KDM4C: variants seen among roughly 807,000 people sequenced by gnomAD.
KDM4C encodes the protein lysine demethylase 4C, also known as lysine-specific demethylase 4C.
A neutral mutation model predicts 129.3 loss-of-function variants in KDM4C; 81 were observed. That is an observed-to-expected ratio of 0.63 (90% CI 0.52 to 0.75). The LOEUF is 0.75. Ranked by LOEUF, KDM4C falls within the 30% of genes least tolerant of loss-of-function variation. KDM4C has a pLI of 0.00. For missense variants in KDM4C, 1,457 were observed against 1,304.0 expected (o/e 1.12, Z -1.81); for synonymous variants, 573 against 456.1 (o/e 1.26, Z -3.26).
intron 1 of KDM4C, among the ~76,000 whole-genome samples, chr9:6,791,359 C>T (rs767132526): frequency 4.5e-4 from 68 of 152,228 alleles, no homozygotes; most frequent in Non-Finnish European, 2.9e-4. Flanking sequence ...GTGATATGCC[C>T]GCCTCCAAAG....
intron 11 of KDM4C, among the ~76,000 whole-genome samples, chr9:6,989,774 A>G (rs1199135519): frequency 2.6e-5 from 4 of 151,816 alleles, no homozygotes; most frequent in Non-Finnish European, 5.9e-5. Context: ...GCAATCTTAG[A>G]TTTACTTATT....
intron 17 of KDM4C, chr9:7,076,811 A>C: frequency 2.4e-5 from 25 of 1,024,116 alleles, no homozygotes; most frequent in Non-Finnish European, 2.8e-5. Context: ...AACGTGTCCT[A>C]CTACAGCCTC....
At chr9:6,928,522 A>C (rs1041355821) in intron 8 of KDM4C, among the ~76,000 whole-genome samples, 1 of 151,972 alleles carries the variant, frequency 6.6e-6, no homozygotes, top group Non-Finnish European at 1.5e-5. Context: ...GGTTTCACCA[A>C]GATTGTAGAG....
At chr9:7,069,013 C>G (rs945040225) in intron 17 of KDM4C, among the ~76,000 whole-genome samples, 1 of 152,048 alleles carries the variant, frequency 6.6e-6, no homozygotes, top group African/African-American at 2.4e-5. Flanking sequence ...GCCCTACTTT[C>G]TATCCGAACC....
upstream of KDM4C, among the ~76,000 whole-genome samples, chr9:6,755,150 T>A (rs1045095659): frequency 1.3e-5 from 2 of 152,120 alleles, no homozygotes; most frequent in Non-Finnish European, 2.9e-5. Context: ...GGTGAGTGGA[T>A]CACAAGGTCA....
intron 15 of KDM4C, among the ~76,000 whole-genome samples, chr9:7,019,158 C>T (rs909032614): frequency 6.6e-6 from 1 of 152,024 alleles, no homozygotes; most frequent in African/African-American, 2.4e-5. Flanking sequence ...TGACTTTAAC[C>T]CTCTGATTTA....
intron 1 of KDM4C, among the ~76,000 whole-genome samples, chr9:6,790,270 T>C (rs1008652835): frequency 6.6e-6 from 1 of 151,716 alleles, no homozygotes; most frequent in Admixed American, 6.6e-5. Context: ...TTTTGTTTTT[T>C]TGTTTTTGTT....
intron 5 of KDM4C, among the ~76,000 whole-genome samples, chr9:6,868,295 A>G (rs1174464415): frequency 6.6e-6 from 1 of 152,062 alleles, no homozygotes; most frequent in Non-Finnish European, 1.5e-5. Flanking sequence ...AGGCAGTCCT[A>G]CGTGAGGAAA....
At position 7,110,228 on chromosome 9, in the gene KDM4C, C is replaced by G. The variant is rs186174125; in HGVS notation, c.2610+6358C>G. ...AGTGATTCATCAAAGAGCCCTGGTT[C>G]TTTTTTATGGGAGCTCTACTAGAGA... On this transcript the variant is annotated intron_variant, in intron 18 of 21. Coordinates refer to ENST00000381309, the MANE Select transcript of KDM4C (RefSeq NM_015061.6). Among the ~76,000 whole-genome samples the G allele has an allele frequency of 1.5e-3, 235 of 152,240 alleles. 2 individuals carry two copies. The highest frequency in any genetic ancestry group is 0.01 in the East Asian group (53 of 5,178).
At chr9:7,010,068 A>G (rs565582785) in intron 12 of KDM4C, among the ~76,000 whole-genome samples, 1 of 152,260 alleles carries the variant, frequency 6.6e-6, no homozygotes, top group Non-Finnish European at 1.5e-5. Flanking sequence ...ACATGGATGT[A>G]ACCAAATATA....
At chr9:7,018,006 T>C (rs1384755963) in intron 15 of KDM4C, among the ~76,000 whole-genome samples, 1 of 152,222 alleles carries the variant, frequency 6.6e-6, no homozygotes. Flanking sequence ...TTACCTCCCA[T>C]TTAAGAAGTC....
chr9:6,893,145 T>C lies in KDM4C; in HGVS notation c.834T>C (p.His278=). The change falls in exon 8 of 22, where the codon CAT becomes CAC. Residue 278 remains histidine, a synonymous_variant. Transcript: ENST00000381309. ...EFMITFPYGY[H]AGFNHGFNCA... is the part of the protein sequence containing the mutation. ...TGATCACTTTCCCATATGGCTACCATGCTGGTTTTAATCATGGTTTCAACT... is the reference window on the plus strand; with the variant it reads ...TGATCACTTTCCCATATGGCTACCACGCTGGTTTTAATCATGGTTTCAACT... 1 of 1,605,142 alleles carries C rather than the reference T, an allele frequency of 6.2e-7. No individual in the cohort carries two copies. The highest frequency in any genetic ancestry group is 8.5e-7 in the Non-Finnish European group (1 of 1,175,428).
chr9:6,877,428 C>G, intron 5 of KDM4C, among the ~76,000 whole-genome samples: 1 of 151,892 alleles, frequency 6.6e-6, no homozygotes, highest in East Asian at 1.9e-4. Context: ...TCTCGGTCTC[C>G]TGACCTCATG....
intron 20 of KDM4C, among the ~76,000 whole-genome samples, chr9:7,169,129 C>T (rs1844700347): frequency 6.6e-6 from 1 of 151,848 alleles, no homozygotes; most frequent in Non-Finnish European, 1.5e-5. Flanking sequence ...GTTGTCAGAG[C>T]CTCTTAAAGA....
chr9:6,844,843 A>G (rs1416118988), intron 4 of KDM4C, among the ~76,000 whole-genome samples: 1 of 152,052 alleles, frequency 6.6e-6, no homozygotes, highest in Non-Finnish European at 1.5e-5. Flanking sequence ...GTGTGCCACC[A>G]CACCCGGCTA....
chr9:6,871,920 A>C (rs1230418284), intron 5 of KDM4C, among the ~76,000 whole-genome samples: 1 of 152,246 alleles, frequency 6.6e-6, no homozygotes, highest in Non-Finnish European at 1.5e-5. Context: ...ATAATACTAC[A>C]TAATATACAA....
At chr9:6,824,691 C>A (rs948078940) in intron 4 of KDM4C, among the ~76,000 whole-genome samples, 3 of 148,838 alleles carry the variant, frequency 2.0e-5, no homozygotes, top group African/African-American at 7.4e-5. Flanking sequence ...TTCATTAAAA[C>A]AGTCCATTAT....
intron 12 of KDM4C, among the ~76,000 whole-genome samples, chr9:7,010,680 TGTTTGTC>T (rs1010068393): frequency 3.3e-5 from 5 of 152,210 alleles, no homozygotes; most frequent in Non-Finnish European, 7.3e-5. Context: ...TTTTCTAACA[TGTTTGTC>T]TTTCTGTATT....
chr9:6,986,662 C>T lies in KDM4C; in HGVS notation c.1673C>T (p.Pro558Leu). The T allele has an allele frequency of 2.5e-6, 4 of 1,601,134 alleles. No individual in the cohort carries two copies. Among genetic ancestry groups the T allele is most frequent in the Non-Finnish European group, 3.4e-6 (4 of 1,171,128 alleles). Reference protein sequence around the residue: ...PSGERNSFKVPSIAEGENKTS... With the variant: ...PSGERNSFKVLSIAEGENKTS... ...GGAGAGAGAAATAGCTTCAAAGTCC[C>T]CAGTGTATGTGGCAATATCCATTTT... is the stretch of plus-strand genomic sequence containing the variant. Residue 558 changes from proline (P) to leucine (L), a missense_variant, in exon 11 of 22, where the codon CCC becomes CTC. Coordinates refer to ENST00000381309, the MANE Select transcript of KDM4C (RefSeq NM_015061.6).
Sources: gnomAD v4.1 joint callset for allele counts (sites outside exome capture counted in the v4.1 genomes callset) on GRCh38, gnomAD v4.1.1 for gene constraint, MANE v1.5 for transcripts, NCBI Gene and HGNC (gene_info 2026-07-23, HGNC 2026-07-21) for gene names.